The following OGG1 variants were observed in gnomAD, a reference collection of about 807,000 sequenced individuals.
OGG1 encodes N-glycosylase/DNA lyase.
A neutral mutation model predicts 42.3 loss-of-function variants in OGG1; 35 were observed. The ratio of observed to expected loss-of-function variants is 0.83; its 90% confidence interval spans 0.63 to 1.10. The LOEUF (loss-of-function observed/expected upper bound fraction) is 1.10. OGG1 is among the 50% of genes least tolerant of loss of function. The pLI is 0.00. For synonymous variants in OGG1, 189 were observed against 179.0 expected, an observed-to-expected ratio of 1.06 and a Z score of -0.44; for missense variants, 484 against 446.7, an observed-to-expected ratio of 1.08 and a Z score of -0.75.
chr3:9,765,802 C>T, intron 7 of OGG1: 2 of 1,614,050 alleles, frequency 1.2e-6, no homozygotes, highest in Non-Finnish European at 1.7e-6. Context: ...CCTTCCTTGC[C>T]CTCCAGGGCC....
intron 4 of OGG1, among the ~76,000 whole-genome samples, chr3:9,755,349 C>T (rs2077487311): frequency 6.6e-6 from 1 of 152,136 alleles, no homozygotes; most frequent in Non-Finnish European, 1.5e-5. Context: ...CAGGGATGAG[C>T]CACTGCTCCC....
downstream of OGG1, chr3:9,757,519 A>G (rs778163614): frequency 3.6e-5 from 58 of 1,608,962 alleles, 1 homozygote; most frequent in Middle Eastern, 1.7e-3. The surrounding 1 kb of genome is among the most constrained non-coding windows in gnomAD (Gnocchi z 4.5). Context: ...GCAGAGGATC[A>G]TGACCCGAGG....
chr3:9,785,220 C>G, intron 3 of OGG1: 1 of 925,194 alleles, frequency 1.1e-6, no homozygotes, highest in Non-Finnish European at 1.7e-6. Flanking sequence ...TAACTGCCCC[C>G]AGCCTCTTAC....
chr3:9,760,210 T>C, downstream of OGG1: 1 of 186,404 alleles, frequency 5.4e-6, no homozygotes, highest in Non-Finnish European at 1.1e-5. Flanking sequence ...GCCACTGCAC[T>C]CCAGCCTGGG....
downstream of OGG1, among the ~76,000 whole-genome samples, chr3:9,790,605 G>A (rs1401490427): frequency 1.3e-5 from 2 of 152,216 alleles, no homozygotes; most frequent in Non-Finnish European, 2.9e-5. Context: ...TGGCACACAA[G>A]GCTCAAGGCA....
intron 2 of OGG1, among the ~76,000 whole-genome samples, chr3:9,773,184 G>A (rs1381889316): frequency 6.7e-6 from 1 of 148,814 alleles, no homozygotes; most frequent in Non-Finnish European, 1.5e-5. Flanking sequence ...AGCTGAGATT[G>A]CACCATTGTA....
Position 9,763,645 on chromosome 3 carries a change from G to C in OGG1, c.1049-2164G>C, listed in dbSNP as rs138432711. On this transcript the variant is annotated intron_variant, in intron 7 of 7. Coordinates refer to the OGG1 transcript ENST00000302008. Reference sequence around the variant, plus strand: ...GCCCGTCACATGCTATTTGGGTGCAGATCTTTTCACCAGTGAGCCACTGCA... The same window carrying C: ...GCCCGTCACATGCTATTTGGGTGCACATCTTTTCACCAGTGAGCCACTGCA... Among the ~76,000 whole-genome samples the C allele has an allele frequency of 3.9e-5, 6 of 152,262 alleles. No individual in the cohort carries two copies. The East Asian group carries it at 1.2e-3, about 29-fold the overall frequency.
intron 2 of OGG1, among the ~76,000 whole-genome samples, chr3:9,774,826 C>T (rs1208268950): frequency 6.6e-6 from 1 of 152,170 alleles, no homozygotes; most frequent in African/African-American, 2.4e-5. Flanking sequence ...CTTTGGAAAG[C>T]AATTTGGCAA....
chr3:9,767,542 C>G (rs1372458864), downstream of OGG1: 91 of 1,242,860 alleles, frequency 7.3e-5, 3 homozygotes, highest in South Asian at 1.2e-3. Flanking sequence ...ACAGTTTAGG[C>G]CCTAGATAGT....
At chr3:9,771,621 G>A (rs2078300270), downstream of OGG1, among the ~76,000 whole-genome samples, 1 of 152,050 alleles carries the variant, frequency 6.6e-6, no homozygotes, top group Non-Finnish European at 1.5e-5. Context: ...CCAAATCTCA[G>A]TATCTCAGAC....
At chr3:9,787,943 G>A (rs913043622) in exon 4 of OGG1, 12 of 357,108 alleles carry the variant, frequency 3.4e-5, no homozygotes, top group African/African-American at 4.3e-5. Flanking sequence ...CAGCGAGGAG[G>A]CTGTGGTGTC....
At chr3:9,766,118 A>C in exon 8 of OGG1, 2 of 1,264,574 alleles carry the variant, frequency 1.6e-6, no homozygotes, top group Non-Finnish European at 2.3e-6. Flanking sequence ...GATGCAAGCC[A>C]GCTTACTAGC....
chr3:9,761,226 C>G (rs938492327), downstream of OGG1: 1 of 468,092 alleles, frequency 2.1e-6, no homozygotes, highest in Non-Finnish European at 3.8e-6. Context: ...AGTCAGCTCC[C>G]TGAGGGCAGG....
intron 2 of OGG1, among the ~76,000 whole-genome samples, chr3:9,778,937 A>G (rs984869522): frequency 1.3e-5 from 2 of 152,166 alleles, no homozygotes; most frequent in African/African-American, 4.8e-5. Context: ...TTCATAGGTC[A>G]CTTCCTTAGG....
At chr3:9,778,507 C>G (rs1194241522) in intron 2 of OGG1, among the ~76,000 whole-genome samples, 2 of 152,164 alleles carry the variant, frequency 1.3e-5, no homozygotes, top group African/African-American at 4.8e-5. Context: ...AAGGGAGGAT[C>G]CGGTGGCTTC....
At chr3:9,787,018 C>G (rs757748298) in intron 3 of OGG1, 1 of 1,614,202 alleles carries the variant, frequency 6.2e-7, no homozygotes, top group Non-Finnish European at 8.5e-7. Flanking sequence ...CCACCAGGGC[C>G]TGCAGGAGGC....
rs765251028 is a variant in OGG1, at chr3:9,763,046, C to T, written c.1049-2763C>T. On this transcript the variant is annotated intron_variant, in intron 7 of 7. Coordinates refer to the OGG1 transcript ENST00000302008. ...CAATACGGTCAAAGAGCTCCCCACC[C>T]GACACCCTGCAGCAGGGGATAGGGC... The T allele has an allele frequency of 1.1e-5, 17 of 1,614,066 alleles. 1 individual carries two copies. The highest frequency in any genetic ancestry group is 8.0e-5 in the African/African-American group (6 of 75,014).
At chr3:9,783,032 T>G (rs2125618353) in intron 3 of OGG1, 1 of 152,314 alleles carries the variant, frequency 6.6e-6, no homozygotes, top group East Asian at 1.9e-4. Flanking sequence ...CTGTGATGGA[T>G]TCCCAAAAGA....
At chr3:9,784,361 C>T in intron 3 of OGG1, 1 of 1,059,364 alleles carries the variant, frequency 9.4e-7, no homozygotes, top group Non-Finnish European at 1.3e-6. Context: ...AAGGGAGGGA[C>T]AGACACATCT....
Sources: allele counts gnomAD v4.1 joint callset (sites outside exome capture counted in the v4.1 genomes callset), GRCh38; gene constraint gnomAD v4.1.1; non-coding constraint Gnocchi (gnomAD v3.1); transcripts MANE v1.5; gene names NCBI Gene and HGNC (gene_info 2026-07-23, HGNC 2026-07-21).